The following ZFPM2 variants were observed in gnomAD, a reference collection of about 807,000 sequenced individuals.
The protein encoded by ZFPM2 is zinc finger protein ZFPM2.
A neutral mutation model predicts 98.6 loss-of-function variants in ZFPM2; 20 were observed. The ratio of observed to expected loss-of-function variants is 0.20; its 90% CI spans 0.14 to 0.29. ZFPM2 has a LOEUF of 0.29. Ranked by LOEUF, ZFPM2 falls within the 10% of genes least tolerant of loss-of-function variation. The probability of loss-of-function intolerance (pLI) is 1.00; values close to 1 mark genes in which losing one functional copy is unlikely to be tolerated. For missense variants in ZFPM2, 1,310 were observed against 1,388.6 expected, an observed-to-expected ratio of 0.94 and a Z score of 0.90; for synonymous variants, 518 against 502.7, an observed-to-expected ratio of 1.03 and a Z score of -0.41.
At chr8:105,670,288 A>C (rs561625936) in intron 5 of ZFPM2, among the ~76,000 whole-genome samples, 3 of 152,112 alleles carry the variant, frequency 2.0e-5, no homozygotes, top group Admixed American at 2.0e-4. Context: ...CAAGGTCACG[A>C]GATTGAGACC....
At chr8:105,513,433 T>TG (rs781368857) in intron 3 of ZFPM2, among the ~76,000 whole-genome samples, 5 of 152,196 alleles carry the variant, frequency 3.3e-5, no homozygotes, top group Non-Finnish European at 7.3e-5. Context: ...AAGGAGCTCA[T>TG]GGGGGAAAAG....
intron 5 of ZFPM2, among the ~76,000 whole-genome samples, chr8:105,751,673 C>T (rs1310397953): frequency 1.3e-5 from 2 of 152,022 alleles, no homozygotes; most frequent in African/African-American, 2.4e-5. Flanking sequence ...ATCTCCCTGA[C>T]TGCTTACTTC....
chr8:105,338,117 G>GT (rs1812361160), intron 1 of ZFPM2, among the ~76,000 whole-genome samples: 2 of 151,690 alleles, frequency 1.3e-5, no homozygotes, highest in South Asian at 2.1e-4. Flanking sequence ...CAACCTAAAG[G>GT]TTTTTTATGA....
intron 6 of ZFPM2, among the ~76,000 whole-genome samples, chr8:105,797,903 C>G (rs1343800520): frequency 6.6e-6 from 1 of 152,218 alleles, no homozygotes; most frequent in Non-Finnish European, 1.5e-5. Flanking sequence ...TAGCTGACCA[C>G]ATGTCCATCA....
At chr8:105,770,939 G>A (rs1253407019) in intron 5 of ZFPM2, among the ~76,000 whole-genome samples, 1 of 152,122 alleles carries the variant, frequency 6.6e-6, no homozygotes, top group Non-Finnish European at 1.5e-5. Context: ...CCTCTAGGGA[G>A]CTATATCTAG....
At position 105,483,058 on chromosome 8, in the gene ZFPM2, G is replaced by T. The variant is rs1456558154; in HGVS notation, c.301+38677G>T. 7.7e-5 allele frequency among the ~76,000 whole-genome samples: 7 copies of T among 90,818 alleles called. No homozygotes were observed. The Admixed American group carries it at 8.9e-4, about 12-fold the overall frequency. 59.6% of individuals were successfully genotyped at this position (90,818 alleles called of 152,430 possible). ...TCCTTCTTTATTTTAACAGGATCTT[G>T]CTATGTTGCCCAGGCTGGTCTTAAA... On this transcript the variant is annotated intron_variant, in intron 3 of 7. Transcript: ENST00000407775.
chr8:105,360,370 C>A (rs1812832911), intron 1 of ZFPM2, among the ~76,000 whole-genome samples: 1 of 152,074 alleles, frequency 6.6e-6, no homozygotes, highest in Non-Finnish European at 1.5e-5. Flanking sequence ...AAAATAAATA[C>A]ATGATTGAGG....
chr8:105,498,863 AGC>A (rs1227467747), intron 3 of ZFPM2, among the ~76,000 whole-genome samples: 3 of 152,194 alleles, frequency 2.0e-5, no homozygotes, highest in Non-Finnish European at 4.4e-5. Flanking sequence ...CGTGATAAGA[AGC>A]CATTATGGCC....
chr8:105,341,319 C>T (rs559134654), intron 1 of ZFPM2, among the ~76,000 whole-genome samples: 14 of 151,934 alleles, frequency 9.2e-5, no homozygotes, highest in South Asian at 4.1e-4. Flanking sequence ...TGGAGAACAA[C>T]GCAATTGCAC....
intron 3 of ZFPM2, among the ~76,000 whole-genome samples, chr8:105,497,718 T>G (rs955720723): frequency 6.6e-6 from 1 of 152,110 alleles, no homozygotes; most frequent in Non-Finnish European, 1.5e-5. Context: ...CGGATAAGAT[T>G]ATAAAGGCAG....
At chr8:105,364,865 G>T (rs1810478425) in intron 1 of ZFPM2, among the ~76,000 whole-genome samples, 1 of 152,044 alleles carries the variant, frequency 6.6e-6, no homozygotes, top group African/African-American at 2.4e-5. Context: ...AACTCTGAAG[G>T]TCTATGGTCT....
At chr8:105,670,561 C>T (rs1289286095) in intron 5 of ZFPM2, among the ~76,000 whole-genome samples, 6 of 148,884 alleles carry the variant, frequency 4.0e-5, no homozygotes, top group East Asian at 2.0e-4. Context: ...TCTGTGTATG[C>T]GCGCCTTCAT....
At chr8:105,693,990 TTTTTTTTTTTTTGA>T (rs1285303194) in intron 5 of ZFPM2, among the ~76,000 whole-genome samples, 1 of 80,776 alleles carries the variant, frequency 1.2e-5, no homozygotes, top group Non-Finnish European at 3.0e-5. Flanking sequence ...CTTTTTTTTT[TTTTTTTTTTTTTGA>T]GATGGAGTCT....
chr8:105,508,289 C>G lies in ZFPM2; in HGVS notation c.302-53074C>G, dbSNP rs565449546. Among the ~76,000 whole-genome samples, 33 of 152,206 alleles carry G rather than the reference C, an allele frequency of 2.2e-4. No homozygotes were observed. The South Asian group carries it at 6.8e-3, about 32-fold the overall frequency. On this transcript the variant is annotated intron_variant, in intron 3 of 7. Transcript: ENST00000407775. The stretch of plus-strand genomic sequence containing the variant: ...CCGTGTCACTAATTCCTGCTGGAAA[C>G]TTATCAGCTTCTGTCTCTAGCAGAA...
chr8:105,715,753 T>A (rs947370158), intron 5 of ZFPM2, among the ~76,000 whole-genome samples: 3 of 152,020 alleles, frequency 2.0e-5, no homozygotes, highest in African/African-American at 7.2e-5. Flanking sequence ...TGTTTTCATA[T>A]TTTATAAATA....
At chr8:105,764,273 C>T (rs1812804214) in intron 5 of ZFPM2, among the ~76,000 whole-genome samples, 1 of 130,380 alleles carries the variant, frequency 7.7e-6, no homozygotes, top group African/African-American at 3.1e-5. Flanking sequence ...CTCTCTTTCT[C>T]TCTCTCTCTC....
At chr8:105,692,827 ACT>A (rs1810919598) in intron 5 of ZFPM2, among the ~76,000 whole-genome samples, 1 of 152,250 alleles carries the variant, frequency 6.6e-6, no homozygotes, top group Admixed American at 6.5e-5. Flanking sequence ...CTAGGAAGCT[ACT>A]TCCAAGGCAT....
intron 5 of ZFPM2, among the ~76,000 whole-genome samples, chr8:105,716,942 AC>A (rs1811538644): frequency 6.6e-6 from 1 of 152,052 alleles, no homozygotes; most frequent in Admixed American, 6.6e-5. Flanking sequence ...CACACATCTT[AC>A]CACTGGTGTG....
chr8:105,349,448 G>T (rs1812601871), intron 1 of ZFPM2, among the ~76,000 whole-genome samples: 1 of 152,158 alleles, frequency 6.6e-6, no homozygotes, highest in East Asian at 1.9e-4. Context: ...ACAATACAAG[G>T]TATAACCTGG....
Sources: gnomAD v4.1 joint callset for allele counts (sites outside exome capture counted in the v4.1 genomes callset) on GRCh38, gnomAD v4.1.1 for gene constraint, MANE v1.5 for transcripts, NCBI Gene and HGNC (gene_info 2026-07-23, HGNC 2026-07-21) for gene names.